CIPC: variants seen among roughly 807,000 people sequenced by gnomAD.
CIPC encodes CLOCK interacting pacemaker.
In CIPC, 12 loss-of-function variants were observed where a neutral mutation model predicts 26.7. That is an observed-to-expected ratio of 0.45 (90% confidence interval 0.29 to 0.73). CIPC has a LOEUF of 0.73. Ranked by LOEUF, CIPC falls within the 30% of genes least tolerant of loss-of-function variation. The pLI is 0.12. For missense variants in CIPC, 417 were observed against 486.5 expected, an observed-to-expected ratio of 0.86 and a Z score of 1.34; for synonymous variants, 170 against 189.8, an observed-to-expected ratio of 0.90 and a Z score of 0.86.
rs1330000123 is a variant in CIPC at position 77,109,847 on chromosome 14, A to G, written c.172A>G (p.Met58Val). The change falls in exon 3 of 4, where the codon ATG becomes GTG. Residue 58 changes from methionine to valine, a missense_variant. Physicochemically the swap from Met to Val is conservative, Grantham distance 21. Transcript: ENST00000361786. ...GGAATGTCTGAGCTCTGCAGAGCAG[A>G]TGGAGTCCGAGGACATGCTGAGCGC... ...SSECLSSAEQ[M>V]ESEDMLSALG... 1.9e-6 allele frequency: 3 copies of G among 1,614,062 alleles called. No homozygotes were observed. The highest frequency in any genetic ancestry group is 2.7e-5 in the African/African-American group (2 of 74,934).
intron 3 of CIPC, among the ~76,000 whole-genome samples, chr14:77,113,194 G>A (rs964527819): frequency 2.0e-5 from 3 of 152,154 alleles, no homozygotes; most frequent in Admixed American, 1.3e-4. Flanking sequence ...TTTTCTGAGT[G>A]ATAGCACTTG....
At chr14:77,104,317 G>T (rs1267964933) in intron 1 of CIPC, among the ~76,000 whole-genome samples, 1 of 152,228 alleles carries the variant, frequency 6.6e-6, no homozygotes, top group Non-Finnish European at 1.5e-5. Context: ...CATCTGGGCA[G>T]TTGAGGCTGC....
intron 1 of CIPC, among the ~76,000 whole-genome samples, chr14:77,105,027 A>G (rs1314545176): frequency 1.3e-5 from 2 of 152,250 alleles, no homozygotes; most frequent in East Asian, 1.9e-4. Context: ...AACGCATATT[A>G]TAAGCTCTTT....
chr14:77,112,084 C>G (rs927626740), intron 3 of CIPC, among the ~76,000 whole-genome samples: 2 of 152,186 alleles, frequency 1.3e-5, no homozygotes, highest in Non-Finnish European at 2.9e-5. Context: ...ATCCAAGAAA[C>G]TGAAATGTGT....
At chr14:77,109,507 C>G (rs965419213) in intron 2 of CIPC, among the ~76,000 whole-genome samples, 1 of 152,152 alleles carries the variant, frequency 6.6e-6, no homozygotes, top group Non-Finnish European at 1.5e-5. Flanking sequence ...ACTCATTTCT[C>G]CTGTAGACTG....
intron 1 of CIPC, among the ~76,000 whole-genome samples, chr14:77,100,620 AG>A (rs1886462919): frequency 6.7e-6 from 1 of 149,036 alleles, no homozygotes; most frequent in Non-Finnish European, 1.5e-5. Flanking sequence ...CCCAGGCTGG[AG>A]GGCAGTGGCA....
rs780971342 is a variant in CIPC, at chr14:77,113,854, G to A, written c.736G>A (p.Val246Ile). 7.4e-6 allele frequency: 12 copies of A among 1,613,998 alleles called. No individual in the cohort carries two copies. Among genetic ancestry groups the A allele is most frequent in the South Asian group, 2.2e-5 (2 of 91,088 alleles). The change falls in exon 4 of 4, where the codon GTA becomes ATA. Residue 246 changes from valine to isoleucine, a missense_variant. Transcript: ENST00000361786. The part of the protein sequence containing the change: ...AGGSPQTLQP[V>I]SSSHVAKAPS... The stretch of plus-strand genomic sequence containing the variant: ...TGGAAGTCCACAGACTCTTCAGCCG[G>A]TATCCAGCAGTCACGTGGCTAAAGC...
intron 1 of CIPC, among the ~76,000 whole-genome samples, chr14:77,101,131 G>A (rs1886476017): frequency 6.6e-6 from 1 of 152,204 alleles, no homozygotes; most frequent in Non-Finnish European, 1.5e-5. Flanking sequence ...CCTAGTCAGT[G>A]TGAGCATGTA....
In CIPC at chr14:77,105,665, A is replaced by C; in HGVS notation, c.-44A>C. The C allele has an allele frequency of 6.3e-7, 1 of 1,599,206 alleles. No individual in the cohort carries two copies. On this transcript the variant is annotated 5_prime_UTR_variant, in exon 2 of 4. Coordinates refer to ENST00000361786, the MANE Select transcript of CIPC (RefSeq NM_033426.3). ...ATAATTGTTTTTCATAGGGCAGTCC[A>C]GATGAAAAGAGTACCAATGAATCTG...
intron 3 of CIPC, among the ~76,000 whole-genome samples, chr14:77,112,663 T>C (rs1886726514): frequency 6.6e-6 from 1 of 152,148 alleles, no homozygotes; most frequent in African/African-American, 2.4e-5. Flanking sequence ...CAGGAACCCA[T>C]AGACTCCTGA....
intron 2 of CIPC, among the ~76,000 whole-genome samples, chr14:77,106,431 C>T (rs1024151206): frequency 3.3e-5 from 5 of 152,148 alleles, no homozygotes; most frequent in Non-Finnish European, 7.4e-5. Context: ...GTTTTCCTTA[C>T]AAGTTTTTCT....
intron 2 of CIPC, among the ~76,000 whole-genome samples, chr14:77,107,592 T>A (rs945594091): frequency 6.6e-6 from 1 of 151,586 alleles, no homozygotes; most frequent in African/African-American, 2.4e-5. Flanking sequence ...ATGTCTATCT[T>A]TTTGCCATAT....
At chr14:77,104,135 C>T (rs4903542) in intron 1 of CIPC, among the ~76,000 whole-genome samples, 32,034 of 152,176 alleles carry the variant, frequency 0.21, 3,551 homozygotes, top group Non-Finnish European at 0.26. Flanking sequence ...CCAAGCCAAG[C>T]CAAGGCCCAG....
At chr14:77,105,225 G>A (rs1424161848) in intron 1 of CIPC, among the ~76,000 whole-genome samples, 1 of 152,152 alleles carries the variant, frequency 6.6e-6, no homozygotes, top group Admixed American at 6.6e-5. Flanking sequence ...AGGAAAGCAA[G>A]CCTTGCGGTG....
At chr14:77,099,449 A>G (rs759246327) in intron 1 of CIPC, among the ~76,000 whole-genome samples, 17 of 152,260 alleles carry the variant, frequency 1.1e-4, no homozygotes, top group Non-Finnish European at 2.2e-4. Flanking sequence ...TAAGATACCC[A>G]GACATTCTCC....
rs1238743223 is a variant in CIPC, at chr14:77,115,229, T to C, written c.*911T>C. 1.5e-5 allele frequency: 2 copies of C among 133,996 alleles called. No individual in the cohort carries two copies. The highest frequency in any genetic ancestry group is 3.1e-5 in the Non-Finnish European group (2 of 63,948). 8.3% of individuals were successfully genotyped at this position (133,996 alleles called of 1,614,324 possible). ...CCTGGGATGTAGTATAAGTTAACTC[T>C]GCTGCCATCTTGTTTTTTTTTTTTT... On this transcript the variant is annotated 3_prime_UTR_variant, in exon 4 of 4. Transcript: ENST00000361786.
intron 1 of CIPC, among the ~76,000 whole-genome samples, chr14:77,101,311 C>T (rs1886479801): frequency 6.6e-6 from 1 of 152,152 alleles, no homozygotes; most frequent in Admixed American, 6.5e-5. Flanking sequence ...AGTGCTGCTA[C>T]TCCTCCGAAA....
intron 3 of CIPC, among the ~76,000 whole-genome samples, chr14:77,111,017 G>A (rs1453655550): frequency 6.6e-6 from 1 of 152,204 alleles, no homozygotes; most frequent in African/African-American, 2.4e-5. Flanking sequence ...TCACATCTCA[G>A]CTGGAAGCAT....
intron 1 of CIPC, among the ~76,000 whole-genome samples, chr14:77,102,227 A>T (rs566620335): frequency 6.6e-6 from 1 of 152,186 alleles, no homozygotes; most frequent in Non-Finnish European, 1.5e-5. Context: ...GGCAGGACCC[A>T]TTCTGGAATG....
Sources: allele counts gnomAD v4.1 joint callset (sites outside exome capture counted in the v4.1 genomes callset), GRCh38; gene constraint gnomAD v4.1.1; transcripts MANE v1.5; gene names NCBI Gene and HGNC (gene_info 2026-07-23, HGNC 2026-07-21).